The following DLG2 variants were observed in gnomAD, a reference collection of about 807,000 sequenced individuals.
DLG2 encodes disks large homolog 2.
Under a neutral mutation model 132.5 loss-of-function variants are expected in DLG2, and 45 were observed. That is an observed-to-expected ratio of 0.34 (90% CI 0.27 to 0.44). The LOEUF (loss-of-function observed/expected upper bound fraction) is 0.44. Ranked by LOEUF, DLG2 falls within the 20% of genes least tolerant of loss-of-function variation. The probability of loss-of-function intolerance (pLI) is 1.00; values close to 1 mark genes in which losing one functional copy is unlikely to be tolerated. For missense variants in DLG2, 1,045 were observed against 1,196.9 expected (o/e 0.87, Z 1.87); for synonymous variants, 424 against 419.6 (o/e 1.01, Z -0.13).
At chr11:84,424,165 G>A (rs2098959306) in intron 7 of DLG2, among the ~76,000 whole-genome samples, 1 of 152,060 alleles carries the variant, frequency 6.6e-6, no homozygotes, top group African/African-American at 2.4e-5. Flanking sequence ...AGTAATCCTA[G>A]TATCTCTGGT....
chr11:84,153,538 A>T (rs77985660), intron 9 of DLG2, among the ~76,000 whole-genome samples: 3 of 150,962 alleles, frequency 2.0e-5, no homozygotes, highest in South Asian at 4.2e-4. Flanking sequence ...TTTGCTCATT[A>T]AAAAAAAATA....
chr11:84,625,283 C>G (rs999886632), intron 6 of DLG2, among the ~76,000 whole-genome samples: 2 of 152,182 alleles, frequency 1.3e-5, no homozygotes, highest in African/African-American at 4.8e-5. Flanking sequence ...TCACAGATGA[C>G]TCTTTACCAC....
chr11:84,387,279 G>A (rs2098774724), intron 7 of DLG2, among the ~76,000 whole-genome samples: 1 of 152,028 alleles, frequency 6.6e-6, no homozygotes, highest in South Asian at 2.1e-4. Context: ...GGTGATGGAT[G>A]TCACCCTTTT....
rs56913664 is a variant in DLG2, at chr11:83,945,806, CTGTGTGTGTGTGTGTGTGTGTGTG to C, written c.1341-15347_1341-15324del. On this transcript the variant is annotated intron_variant, in intron 14 of 27. Transcript: ENST00000376104. ...AATTTATCCTATGAGAGAAATGCCT[CTGTGTGTGTGTGTGTGTGTGTGTG>C]TGTGTGTGTGTGTGTTTTCTAATGT... is the stretch of plus-strand genomic sequence containing the variant. Among the ~76,000 whole-genome samples, 38 of 136,376 alleles carry C rather than the reference CTGTGTGTGTGTGTGTGTGTGTGTG, an allele frequency of 2.8e-4. No individual in the cohort carries two copies. The Middle Eastern group carries it at 0.026, about 94-fold the overall frequency. The allele number at this position is 136,376 out of a possible 152,430, so 89.5% of individuals were successfully genotyped here. A position where few individuals can be genotyped will look rare whatever the true frequency, so the allele number is the denominator to read the frequency against.
intron 6 of DLG2, among the ~76,000 whole-genome samples, chr11:84,589,889 A>C (rs1024996121): frequency 1.3e-5 from 2 of 152,202 alleles, no homozygotes; most frequent in African/African-American, 4.8e-5. Flanking sequence ...CTTACAATAC[A>C]TTTCCCTTGA....
At chr11:84,901,900 G>A (rs537940642) in intron 6 of DLG2, among the ~76,000 whole-genome samples, 318 of 151,850 alleles carry the variant, frequency 2.1e-3, no homozygotes, top group Non-Finnish European at 3.5e-3. Flanking sequence ...ATTAAGGGGG[G>A]AAAAAAAGGA....
intron 6 of DLG2, among the ~76,000 whole-genome samples, chr11:84,711,289 T>G (rs2060383984): frequency 6.9e-6 from 1 of 144,490 alleles, no homozygotes; most frequent in East Asian, 2.1e-4. Flanking sequence ...CCCCAGATAC[T>G]AGCTGCATTA....
At chr11:84,493,568 CT>C (rs1404875237) in intron 7 of DLG2, among the ~76,000 whole-genome samples, 3 of 152,014 alleles carry the variant, frequency 2.0e-5, no homozygotes, top group Non-Finnish European at 2.9e-5. Flanking sequence ...AAAATGACCC[CT>C]CAAGGTGTTC....
At chr11:83,718,824 C>T (rs943045582) in intron 18 of DLG2, among the ~76,000 whole-genome samples, 15 of 152,226 alleles carry the variant, frequency 9.9e-5, no homozygotes, top group East Asian at 1.9e-4. Context: ...TAAGGAGCAA[C>T]TGGGTTCTAA....
intron 21 of DLG2, among the ~76,000 whole-genome samples, chr11:83,487,299 C>T (rs182280434): frequency 7.0e-6 from 1 of 141,894 alleles, no homozygotes; most frequent in Admixed American, 7.0e-5. Flanking sequence ...ATGTTGAGTT[C>T]TAACTATTAA....
At chr11:84,286,905 C>T (rs929835087) in intron 7 of DLG2, among the ~76,000 whole-genome samples, 15 of 152,088 alleles carry the variant, frequency 9.9e-5, no homozygotes, top group African/African-American at 2.9e-4. Context: ...GATAGTTAAG[C>T]GTACATGATC....
chr11:84,322,427 C>A (rs2098409711), intron 7 of DLG2, among the ~76,000 whole-genome samples: 1 of 152,142 alleles, frequency 6.6e-6, no homozygotes, highest in Non-Finnish European at 1.5e-5. Context: ...CTGTGCATTT[C>A]TCTCAAGCTT....
chr11:85,610,116 G>T (rs2080887069), intron 2 of DLG2, among the ~76,000 whole-genome samples: 1 of 151,614 alleles, frequency 6.6e-6, no homozygotes, highest in Non-Finnish European at 1.5e-5. Context: ...TGCCCGCCCA[G>T]TCCAAATCAG....
intron 4 of DLG2, among the ~76,000 whole-genome samples, chr11:85,219,262 T>C (rs1387491135): frequency 1.3e-5 from 2 of 152,196 alleles, no homozygotes; most frequent in Non-Finnish European, 2.9e-5. Context: ...TACCTCTTCA[T>C]AAAAGCTTTT....
chr11:85,346,745 G>A (rs376081455), intron 3 of DLG2, among the ~76,000 whole-genome samples: 2 of 151,244 alleles, frequency 1.3e-5, no homozygotes, highest in South Asian at 2.2e-4. Flanking sequence ...TGGTTCAAAC[G>A]CCTGTGACAA....
chr11:84,814,775 C>T (rs1845222387), intron 6 of DLG2, among the ~76,000 whole-genome samples: 1 of 152,226 alleles, frequency 6.6e-6, no homozygotes, highest in Admixed American at 6.5e-5. Flanking sequence ...CTTCTCTGTG[C>T]TTTGCTATAC....
intron 21 of DLG2, among the ~76,000 whole-genome samples, chr11:83,490,423 T>A (rs565803157): frequency 4.6e-5 from 7 of 152,126 alleles, no homozygotes; most frequent in African/African-American, 1.4e-4. Context: ...CTTTAGAGTA[T>A]GACTAATAAT....
intron 6 of DLG2, among the ~76,000 whole-genome samples, chr11:84,617,345 C>T (rs542562861): frequency 3.7e-4 from 57 of 152,192 alleles, no homozygotes; most frequent in African/African-American, 1.1e-3. Flanking sequence ...TAGTATTCCA[C>T]GGTGAATATG....
chr11:85,202,475 T>C (rs2152554660), intron 4 of DLG2, among the ~76,000 whole-genome samples: 1 of 152,216 alleles, frequency 6.6e-6, no homozygotes, highest in South Asian at 2.1e-4. Flanking sequence ...TTTTCAGCAA[T>C]GGACAGATCA....
Sources: gnomAD v4.1 joint callset for allele counts (sites outside exome capture counted in the v4.1 genomes callset) on GRCh38, gnomAD v4.1.1 for gene constraint, MANE v1.5 for transcripts, NCBI Gene and HGNC (gene_info 2026-07-23, HGNC 2026-07-21) for gene names.